Variants in PRELID2 observed in about 807,000 individuals in gnomAD.
The protein encoded by PRELID2 is PRELI domain containing 2, also known as PRELI domain-containing protein 2.
Under a neutral mutation model 28.4 loss-of-function variants are expected in PRELID2, and 25 were observed. The ratio of observed to expected loss-of-function variants is 0.88; its 90% CI spans 0.64 to 1.23. PRELID2 has a LOEUF of 1.23. Ranked by LOEUF, PRELID2 falls within the 50% of genes most tolerant of loss-of-function variation. The pLI is 0.00. For missense variants in PRELID2, 201 were observed against 214.4 expected (o/e 0.94, Z 0.39); for synonymous variants, 76 against 71.6 (o/e 1.06, Z -0.31).
chr5:145,739,917 A>T (rs902063194), intron 1 of PRELID2, among the ~76,000 whole-genome samples: 5 of 150,886 alleles, frequency 3.3e-5, no homozygotes, highest in African/African-American at 9.7e-5. Flanking sequence ...GAAAGTTTTT[A>T]AAAAAGAAAG....
rs112673703 is a variant in PRELID2, at chr5:145,683,228, G to A, written n.70+81703C>T. On this transcript the variant is annotated intron_variant and non_coding_transcript_variant, in intron 1 of 2. Coordinates refer to the PRELID2 transcript ENST00000510259. ...AAGTCATTTTCTTCTTCAAGCCTGA[G>A]TTCTCCCATTTGCAAAATAAGGATA... Among the ~76,000 whole-genome samples the A allele has an allele frequency of 1.0e-3, 155 of 152,244 alleles. 2 individuals are homozygous for A. Among genetic ancestry groups the A allele is most frequent in the African/African-American group, 3.7e-3 (153 of 41,538 alleles).
intron 5 of PRELID2, among the ~76,000 whole-genome samples, chr5:145,788,357 C>CAT (rs1418869370): frequency 3.9e-5 from 6 of 152,166 alleles, no homozygotes; most frequent in Non-Finnish European, 8.8e-5. Context: ...GCACTTCCAA[C>CAT]ATACTATCTT....
chr5:145,590,233 G>T (rs1396042697), intron 1 of PRELID2, among the ~76,000 whole-genome samples: 1 of 152,032 alleles, frequency 6.6e-6, no homozygotes, highest in Non-Finnish European at 1.5e-5. Context: ...TTATTGGATG[G>T]TTCCTTTGTC....
At chr5:145,605,070 T>C (rs1174949235) in intron 1 of PRELID2, among the ~76,000 whole-genome samples, 1 of 151,688 alleles carries the variant, frequency 6.6e-6, no homozygotes, top group African/African-American at 2.4e-5. Context: ...TTCTGGATAT[T>C]TGACCTTTGT....
At chr5:145,740,601 A>ATTG in intron 1 of PRELID2, among the ~76,000 whole-genome samples, 1 of 5,634 alleles carries the variant, frequency 1.8e-4, no homozygotes, top group Non-Finnish European at 5.5e-4. Context: ...AAATATATAT[A>ATTG]TATTATATAT....
chr5:145,415,942 G>C, the PRELID2 span, among the ~76,000 whole-genome samples: 3 of 152,210 alleles, frequency 2.0e-5, no homozygotes, highest in South Asian at 2.1e-4. Flanking sequence ...TCCAGCATCT[G>C]TTGTTTCCTG....
the PRELID2 span, among the ~76,000 whole-genome samples, chr5:145,424,828 TC>T: frequency 6.6e-6 from 1 of 151,736 alleles, no homozygotes; most frequent in Non-Finnish European, 1.5e-5. Flanking sequence ...TAGAAGAAAA[TC>T]TAGGCAATAC....
At chr5:145,729,558 A>G (rs1442131371) in intron 1 of PRELID2, among the ~76,000 whole-genome samples, 2 of 151,982 alleles carry the variant, frequency 1.3e-5, no homozygotes, top group African/African-American at 4.8e-5. Context: ...GCCTTAAGAA[A>G]TTCAAGTAAG....
intron 1 of PRELID2, among the ~76,000 whole-genome samples, chr5:145,611,371 C>T (rs1753614322): frequency 6.6e-6 from 1 of 152,094 alleles, no homozygotes; most frequent in Non-Finnish European, 1.5e-5. Flanking sequence ...ACCATATTGG[C>T]CAGGCTGGTC....
the PRELID2 span, among the ~76,000 whole-genome samples, chr5:145,295,066 G>T: frequency 3.3e-5 from 5 of 152,108 alleles, no homozygotes; most frequent in African/African-American, 1.2e-4. Context: ...TGAGCTGGTT[G>T]CCTGTCCTGG....
At chr5:145,337,195 A>G in the PRELID2 span, among the ~76,000 whole-genome samples, 9 of 152,068 alleles carry the variant, frequency 5.9e-5, no homozygotes, top group African/African-American at 1.7e-4. Context: ...AATAAGCAGA[A>G]TGAAGAAAAT....
At chr5:145,509,353 C>T (rs1752441538) in intron 1 of PRELID2, among the ~76,000 whole-genome samples, 1 of 152,188 alleles carries the variant, frequency 6.6e-6, no homozygotes, top group Non-Finnish European at 1.5e-5. Flanking sequence ...CTACATTGGC[C>T]TGATTTTCCA....
chr5:145,702,071 A>T (rs1197923553), intron 1 of PRELID2, among the ~76,000 whole-genome samples: 1 of 151,986 alleles, frequency 6.6e-6, no homozygotes, highest in Non-Finnish European at 1.5e-5. Flanking sequence ...AAATATATAT[A>T]TACACACACA....
At chr5:145,445,547 C>G in the PRELID2 span, among the ~76,000 whole-genome samples, 8 of 152,060 alleles carry the variant, frequency 5.3e-5, no homozygotes, top group African/African-American at 1.9e-4. Context: ...TATTAAAAAG[C>G]TCTGTGCAGC....
the PRELID2 span, among the ~76,000 whole-genome samples, chr5:145,247,312 A>G: frequency 2.0e-5 from 3 of 152,126 alleles, no homozygotes; most frequent in African/African-American, 7.2e-5. Context: ...TTTGAGTAAT[A>G]ATAAAACTCC....
chr5:145,686,245 G>C (rs560865732), intron 1 of PRELID2, among the ~76,000 whole-genome samples: 6 of 152,206 alleles, frequency 3.9e-5, no homozygotes, highest in South Asian at 4.2e-4. Context: ...ACTCCCTGTA[G>C]GTAGGGACCA....
chr5:145,498,184 G>T (rs1752324276), intron 1 of PRELID2, among the ~76,000 whole-genome samples: 2 of 142,718 alleles, frequency 1.4e-5, no homozygotes, highest in African/African-American at 2.5e-5. Context: ...TTAAAACAAG[G>T]TAAAAAAAAA....
the PRELID2 span, among the ~76,000 whole-genome samples, chr5:145,367,639 C>A: frequency 1.3e-5 from 2 of 151,920 alleles, no homozygotes; most frequent in Non-Finnish European, 2.9e-5. Flanking sequence ...TCCCTGACAA[C>A]CACTGATCTT....
intron 1 of PRELID2, among the ~76,000 whole-genome samples, chr5:145,687,601 T>A (rs947743958): frequency 2.6e-5 from 4 of 152,232 alleles, no homozygotes; most frequent in African/African-American, 9.6e-5. Flanking sequence ...TATCGATGTG[T>A]TACCTTTCAG....
Sources: allele counts gnomAD v4.1 joint callset (sites outside exome capture counted in the v4.1 genomes callset), GRCh38; gene constraint gnomAD v4.1.1; transcripts MANE v1.5; gene names NCBI Gene and HGNC (gene_info 2026-07-23, HGNC 2026-07-21).